The following CCDC91 variants were observed in gnomAD, a reference collection of about 807,000 sequenced individuals.
The protein encoded by CCDC91 is coiled-coil domain containing 91, also known as coiled-coil domain-containing protein 91.
A neutral mutation model predicts 63.2 loss-of-function variants in CCDC91; 48 were observed. The observed-to-expected ratio is 0.76, with a 90% CI of 0.60 to 0.97. The LOEUF (loss-of-function observed/expected upper bound fraction) is 0.97, where lower values mean the gene tolerates loss of function less well. Among genes scored for constraint, CCDC91 ranks in the 50% least tolerant of loss-of-function variants. The probability of loss-of-function intolerance (pLI) is 0.00; values close to 1 mark genes in which losing one functional copy is unlikely to be tolerated. For missense variants in CCDC91, 500 were observed against 494.6 expected (o/e 1.01, Z -0.10); for synonymous variants, 167 against 165.8 (o/e 1.01, Z -0.06).
rs541928534 is a variant in CCDC91, at chr12:28,501,587, T to G, written c.1215+17422T>G. On this transcript the variant is annotated intron_variant, in intron 12 of 12. Coordinates refer to ENST00000536442, the MANE Select transcript of CCDC91 (RefSeq NM_018318.5). Reference sequence around the variant, plus strand: ...TGATCATGGTGGATAAGCTTTTTGATGTGCTGCTGGATTCAGTTTGCCAGT... The same window carrying G: ...TGATCATGGTGGATAAGCTTTTTGAGGTGCTGCTGGATTCAGTTTGCCAGT... Among the ~76,000 whole-genome samples, 25 of 151,384 alleles carry G rather than the reference T, an allele frequency of 1.7e-4. No individual in the cohort carries two copies. In the South Asian group the frequency reaches 4.2e-3, roughly 25 times the overall value.
At chr12:28,391,511 G>T (rs1222874071) in intron 8 of CCDC91, 100 bp downstream of exon 8, 1 of 634,818 alleles carries the variant, frequency 1.6e-6, no homozygotes, top group Non-Finnish European at 2.6e-6. Context: ...CATTTACTTG[G>T]TGTATTTTGG....
chr12:28,269,901 C>T (rs1443153047), intron 3 of CCDC91, among the ~76,000 whole-genome samples: 1 of 151,910 alleles, frequency 6.6e-6, no homozygotes, highest in Non-Finnish European at 1.5e-5. Context: ...TGTGCCTAAT[C>T]AAAGTTTTTT....
At chr12:28,503,145 C>G (rs574426476) in intron 12 of CCDC91, among the ~76,000 whole-genome samples, 5 of 152,156 alleles carry the variant, frequency 3.3e-5, no homozygotes, top group African/African-American at 9.6e-5. Context: ...AATGAACAGG[C>G]AACCTATAAA....
At chr12:28,521,216 C>T (rs1365032292) in intron 12 of CCDC91, among the ~76,000 whole-genome samples, 1 of 152,058 alleles carries the variant, frequency 6.6e-6, no homozygotes, top group Non-Finnish European at 1.5e-5. Context: ...ATGGAATGTT[C>T]TTCCATTTGT....
At chr12:28,368,406 C>T (rs541242186) in intron 7 of CCDC91, among the ~76,000 whole-genome samples, 3 of 152,150 alleles carry the variant, frequency 2.0e-5, no homozygotes, top group Non-Finnish European at 4.4e-5. Context: ...ATCCTGTGCA[C>T]TTGAGTAAAT....
At chr12:28,286,477 T>C (rs1327201855) in intron 3 of CCDC91, among the ~76,000 whole-genome samples, 3 of 152,222 alleles carry the variant, frequency 2.0e-5, no homozygotes, top group Non-Finnish European at 2.9e-5. Context: ...TCTGTTTCTG[T>C]ATTAGTTTGC....
intron 12 of CCDC91, among the ~76,000 whole-genome samples, chr12:28,486,994 A>G (rs986970444): frequency 3.9e-5 from 6 of 151,964 alleles, no homozygotes; most frequent in Non-Finnish European, 2.9e-5. Flanking sequence ...CATCTTTACC[A>G]CATTATTTAC....
chr12:28,540,686 A>T (rs1040356248), intron 12 of CCDC91, among the ~76,000 whole-genome samples: 2 of 152,142 alleles, frequency 1.3e-5, no homozygotes, highest in African/African-American at 4.8e-5. Flanking sequence ...TACATTGTAG[A>T]TGTCTCCAAT....
At chr12:28,514,816 C>G (rs1326712306) in intron 12 of CCDC91, among the ~76,000 whole-genome samples, 1 of 151,736 alleles carries the variant, frequency 6.6e-6, no homozygotes, top group Non-Finnish European at 1.5e-5. Context: ...GGCTTTATTT[C>G]TGGGCTCTCT....
rs893151781 is a variant in CCDC91 at position 28,326,371 on chromosome 12, T to C, written c.576+18622T>C. Among the ~76,000 whole-genome samples, 3 of 135,728 alleles carry C rather than the reference T, an allele frequency of 2.2e-5. No individual in the cohort carries two copies. The Admixed American group carries it at 2.5e-4, about 11-fold the overall frequency. 89.0% of individuals were successfully genotyped at this position (135,728 alleles called of 152,430 possible). ...GTTTGAATGATTTTTATTTTTATTTTTATTTTTTATGTTAGAATTGTTTTT... is the reference window on the plus strand; with the variant it reads ...GTTTGAATGATTTTTATTTTTATTTCTATTTTTTATGTTAGAATTGTTTTT... On this transcript the variant is annotated intron_variant, in intron 6 of 12. Coordinates refer to ENST00000536442, the MANE Select transcript of CCDC91 (RefSeq NM_018318.5).
intron 1 of CCDC91, among the ~76,000 whole-genome samples, chr12:28,202,463 A>G (rs1470490948): frequency 6.6e-6 from 1 of 150,664 alleles, no homozygotes; most frequent in African/African-American, 2.4e-5. Context: ...GACTTTCCTG[A>G]ACTCTTTATG....
chr12:28,434,000 T>C (rs1235398360), intron 8 of CCDC91, among the ~76,000 whole-genome samples: 1 of 151,868 alleles, frequency 6.6e-6, no homozygotes, highest in Non-Finnish European at 1.5e-5. Flanking sequence ...CACTTGTTTT[T>C]TGCTAGTGTA....
At chr12:28,540,393 G>A (rs1195532409) in intron 12 of CCDC91, among the ~76,000 whole-genome samples, 2 of 152,124 alleles carry the variant, frequency 1.3e-5, no homozygotes, top group Admixed American at 1.3e-4. Flanking sequence ...TTTAATGACT[G>A]CATCTACAGG....
intron 7 of CCDC91, 42 bp from the exon 8 acceptor site, chr12:28,391,262 A>G (rs1945924620): frequency 7.4e-6 from 9 of 1,214,814 alleles, no homozygotes; most frequent in Middle Eastern, 1.9e-4. Flanking sequence ...TAGATTCCCA[A>G]GTTTTGTCTG....
At chr12:28,416,358 T>C (rs1240258920) in intron 8 of CCDC91, among the ~76,000 whole-genome samples, 1 of 152,172 alleles carries the variant, frequency 6.6e-6, no homozygotes, top group East Asian at 1.9e-4. Context: ...AGGGTATAGA[T>C]ATTGTATGGT....
At chr12:28,299,520 C>T (rs541103721) in intron 3 of CCDC91, among the ~76,000 whole-genome samples, 1 of 151,576 alleles carries the variant, frequency 6.6e-6, no homozygotes, top group African/African-American at 2.4e-5. Context: ...TTTCTCATTC[C>T]CCTGCCTGTT....
At chr12:28,514,219 T>C (rs1214950585) in intron 12 of CCDC91, among the ~76,000 whole-genome samples, 1 of 152,026 alleles carries the variant, frequency 6.6e-6, no homozygotes, top group African/African-American at 2.4e-5. Context: ...TCAGTAATAC[T>C]GGGCTTTTCT....
chr12:28,462,226 T>G (rs550410043), intron 11 of CCDC91, among the ~76,000 whole-genome samples: 1 of 152,106 alleles, frequency 6.6e-6, no homozygotes, highest in Non-Finnish European at 1.5e-5. Flanking sequence ...GCAAAAACCA[T>G]TGTGGAACAG....
intron 6 of CCDC91, among the ~76,000 whole-genome samples, chr12:28,329,164 T>C (rs1382546728): frequency 2.6e-5 from 4 of 152,208 alleles, no homozygotes; most frequent in Non-Finnish European, 4.4e-5. Context: ...TTGCCTGTTA[T>C]GCAAATAATG....
Sources: allele counts gnomAD v4.1 joint callset (sites outside exome capture counted in the v4.1 genomes callset), GRCh38; gene constraint gnomAD v4.1.1; transcripts MANE v1.5; gene names NCBI Gene and HGNC (gene_info 2026-07-23, HGNC 2026-07-21).